Variants in MRPS28 observed in about 807,000 individuals in gnomAD.
The protein encoded by MRPS28 is mitochondrial ribosomal protein S28.
A neutral mutation model predicts 10.8 loss-of-function variants in MRPS28; 7 were observed. The ratio of observed to expected loss-of-function variants is 0.65; its 90% CI spans 0.37 to 1.22. The LOEUF is 1.22. Ranked by LOEUF, MRPS28 falls within the 50% of genes most tolerant of loss-of-function variation. The pLI, the probability that MRPS28 is intolerant of heterozygous loss-of-function variation, is 0.02. For missense variants in MRPS28, 265 were observed against 232.9 expected (o/e 1.14, Z -0.90); for synonymous variants, 121 against 93.3 (o/e 1.30, Z -1.71).
intron 1 of MRPS28, among the ~76,000 whole-genome samples, chr8:80,009,147 C>G (rs1458571991): frequency 6.6e-6 from 1 of 152,096 alleles, no homozygotes; most frequent in Non-Finnish European, 1.5e-5. Flanking sequence ...AAGCTGGAAA[C>G]CATCATTCTC....
chr8:79,947,047 C>G (rs1288200909), intron 2 of MRPS28, among the ~76,000 whole-genome samples: 4 of 151,950 alleles, frequency 2.6e-5, no homozygotes, highest in Admixed American at 6.6e-5. Flanking sequence ...TTGGAAAATC[C>G]AAAATAGTCA....
At chr8:79,922,835 A>G (rs1810130732) in intron 2 of MRPS28, among the ~76,000 whole-genome samples, 1 of 151,966 alleles carries the variant, frequency 6.6e-6, no homozygotes, top group African/African-American at 2.4e-5. Context: ...TATACTTTAT[A>G]TATTCTAATT....
intron 2 of MRPS28, among the ~76,000 whole-genome samples, chr8:79,973,839 TAAA>T (rs11449920): frequency 1.5e-5 from 2 of 136,120 alleles, no homozygotes; most frequent in Non-Finnish European, 3.2e-5. Flanking sequence ...AATAAATTAA[TAAA>T]AAAAAAAAAA....
chr8:80,019,236 A>AATGG (rs1476183393), intron 1 of MRPS28, among the ~76,000 whole-genome samples: 1 of 150,916 alleles, frequency 6.6e-6, no homozygotes, highest in Non-Finnish European at 1.5e-5. Flanking sequence ...TGCTTGAAGG[A>AATGG]ATGGATACTC....
At chr8:80,028,649 C>A (rs1021442619) in intron 1 of MRPS28, 1 of 4,542 alleles carries the variant, frequency 2.2e-4, no homozygotes, top group African/African-American at 1.4e-3. Flanking sequence ...AGAAGACGGG[C>A]GGGGGGGGCG....
chr8:79,947,181 T>G (rs1806940817), intron 2 of MRPS28, among the ~76,000 whole-genome samples: 1 of 152,166 alleles, frequency 6.6e-6, no homozygotes, highest in Non-Finnish European at 1.5e-5. Context: ...CAGCCAACAC[T>G]GGCAGTAACA....
rs565816370 is a variant in MRPS28 at position 79,987,179 on chromosome 8, G to T, written c.395+15820C>A. Among the ~76,000 whole-genome samples, 1,019 of 152,296 alleles carry T rather than the reference G, an allele frequency of 6.7e-3. 7 individuals are homozygous for T. The highest frequency in any genetic ancestry group is 0.014 in the Middle Eastern group (4 of 294). ...TGACAAAAACAAGCAATGGGGAAAG[G>T]ATTCCCTATTTAATAAATGGTGTTG... On this transcript the variant is annotated intron_variant, in intron 2 of 2. Coordinates refer to ENST00000276585, the MANE Select transcript of MRPS28 (RefSeq NM_014018.3).
intron 2 of MRPS28, among the ~76,000 whole-genome samples, chr8:79,984,584 A>C (rs1808093259): frequency 2.0e-5 from 3 of 152,220 alleles, no homozygotes; most frequent in Non-Finnish European, 2.9e-5. Context: ...AGGAAGATCT[A>C]CCAAGCAAAT....
At chr8:80,025,345 G>A (rs968473928) in intron 1 of MRPS28, among the ~76,000 whole-genome samples, 1 of 152,166 alleles carries the variant, frequency 6.6e-6, no homozygotes, top group African/African-American at 2.4e-5. Context: ...ATACGGGGGT[G>A]AGGAAACATT....
chr8:79,956,587 A>C (rs1807219454), intron 2 of MRPS28: 1 of 152,110 alleles, frequency 6.6e-6, no homozygotes, highest in African/African-American at 2.4e-5. Flanking sequence ...CCCAGGTATT[A>C]AGCCCAGGAC....
intron 2 of MRPS28, among the ~76,000 whole-genome samples, chr8:79,925,328 G>A (rs549862271): frequency 7.3e-5 from 11 of 151,522 alleles, no homozygotes; most frequent in East Asian, 5.8e-4. Flanking sequence ...TAACTGGCCC[G>A]TTGGAAATCT....
intron 1 of MRPS28, among the ~76,000 whole-genome samples, chr8:80,013,314 A>C (rs1270481746): frequency 6.6e-6 from 1 of 152,098 alleles, no homozygotes; most frequent in Non-Finnish European, 1.5e-5. Flanking sequence ...GGGAGACAAC[A>C]TCCTACCCAG....
intron 1 of MRPS28, among the ~76,000 whole-genome samples, chr8:80,005,820 G>A (rs1363048060): frequency 2.6e-5 from 4 of 152,102 alleles, no homozygotes; most frequent in Non-Finnish European, 4.4e-5. Flanking sequence ...ACAAAAAAAG[G>A]CAGCGGTTGC....
chr8:79,954,063 T>C (rs1424344711), intron 2 of MRPS28, among the ~76,000 whole-genome samples: 2 of 152,158 alleles, frequency 1.3e-5, no homozygotes, highest in African/African-American at 2.4e-5. Flanking sequence ...CTTGCATTCA[T>C]TCCTGGGTAG....
At position 79,996,027 on chromosome 8, in the gene MRPS28, T is replaced by G. The variant is rs1808493717; in HGVS notation, c.395+6972A>C. Among the ~76,000 whole-genome samples the G allele has an allele frequency of 3.3e-5, 5 of 152,164 alleles. 1 individual carries two copies. In the South Asian group the frequency reaches 1.0e-3, roughly 32 times the overall value. On this transcript the variant is annotated intron_variant, in intron 2 of 2. Coordinates refer to ENST00000276585, the MANE Select transcript of MRPS28 (RefSeq NM_014018.3). Reference sequence around the variant, plus strand: ...TTTTATTATGATACAATATAGAAATTAATGTTTATAATTATGACCCTGGGT... The same window carrying G: ...TTTTATTATGATACAATATAGAAATGAATGTTTATAATTATGACCCTGGGT...
chr8:80,029,961 G>A (rs957452618), intron 1 of MRPS28, 75 bp downstream of exon 1: 3 of 1,552,484 alleles, frequency 1.9e-6, no homozygotes, highest in Non-Finnish European at 1.7e-6. Flanking sequence ...GCCAGGCTCC[G>A]CCCCTATTCC....
At chr8:79,993,243 A>C (rs1808414065) in intron 2 of MRPS28, among the ~76,000 whole-genome samples, 1 of 152,230 alleles carries the variant, frequency 6.6e-6, no homozygotes, top group Non-Finnish European at 1.5e-5. Flanking sequence ...AATTGCTTGC[A>C]TTCCTTAACA....
chr8:79,919,936 A>ACCCC (rs1810032360), intron 2 of MRPS28, among the ~76,000 whole-genome samples: 1 of 50,950 alleles, frequency 2.0e-5, no homozygotes, highest in African/African-American at 7.2e-5. Context: ...TCCTAATGCT[A>ACCCC]TCCCTCCCCC....
At chr8:79,975,130 C>T (rs955555915) in intron 2 of MRPS28, among the ~76,000 whole-genome samples, 2 of 151,988 alleles carry the variant, frequency 1.3e-5, no homozygotes, top group South Asian at 4.2e-4. Context: ...CCCATCTCTA[C>T]AGAAAAATGT....
Sources: gnomAD v4.1 joint callset for allele counts (sites outside exome capture counted in the v4.1 genomes callset) on GRCh38, gnomAD v4.1.1 for gene constraint, MANE v1.5 for transcripts, NCBI Gene and HGNC (gene_info 2026-07-23, HGNC 2026-07-21) for gene names.